The following KIRREL3 variants were observed in gnomAD, a reference collection of about 807,000 sequenced individuals.
KIRREL3 encodes kin of IRRE-like protein 3.
KIRREL3 carries 36 observed loss-of-function variants against 89.7 expected under a neutral mutation model. The ratio of observed to expected loss-of-function variants is 0.40; its 90% CI spans 0.31 to 0.53. KIRREL3 has a LOEUF of 0.53. Ranked by LOEUF, KIRREL3 falls within the 20% of genes least tolerant of loss-of-function variation. The pLI, the probability that KIRREL3 is intolerant of heterozygous loss-of-function variation, is 0.49. For synonymous variants in KIRREL3, 445 were observed against 441.4 expected (o/e 1.01, Z -0.10); for missense variants, 864 against 1,056.6 (o/e 0.82, Z 2.53).
chr11:126,966,844 C>A (rs996024828), intron 1 of KIRREL3, among the ~76,000 whole-genome samples: 1 of 152,210 alleles, frequency 6.6e-6, no homozygotes, highest in Non-Finnish European at 1.5e-5. Context: ...AAACAATCAG[C>A]ACACTTTCTG....
chr11:126,494,153 G>A (rs1957597502), intron 4 of KIRREL3, among the ~76,000 whole-genome samples: 1 of 152,202 alleles, frequency 6.6e-6, no homozygotes, highest in Non-Finnish European at 1.5e-5. Context: ...TGGTCACTTG[G>A]TCAAGAGAAA....
chr11:126,630,994 G>A (rs995840369), intron 1 of KIRREL3, among the ~76,000 whole-genome samples: 28 of 152,146 alleles, frequency 1.8e-4, no homozygotes, highest in African/African-American at 6.8e-4. Context: ...TAAAGTGTCA[G>A]CTTCCATCCC....
At chr11:126,866,862 GT>G (rs750537424) in intron 1 of KIRREL3, among the ~76,000 whole-genome samples, 36 of 152,218 alleles carry the variant, frequency 2.4e-4, no homozygotes, top group Non-Finnish European at 4.6e-4. Context: ...CATTCCCCTT[GT>G]GGCCTCCGCA....
rs1286620837 is a variant in KIRREL3, at chr11:126,898,604, CA to C, written c.55+101850del. Among the ~76,000 whole-genome samples, 4 of 152,148 alleles carry C rather than the reference CA, an allele frequency of 2.6e-5. No individual in the cohort carries two copies. The highest frequency in any genetic ancestry group is 1.5e-5 in the Non-Finnish European group (1 of 68,042). On this transcript the variant is annotated intron_variant, in intron 1 of 16. Coordinates refer to ENST00000525144, the MANE Select transcript of KIRREL3 (RefSeq NM_032531.4). This position sits in a 1 kb window ranked among gnomAD's most constrained non-coding sequence, Gnocchi z 4.9. Reference sequence around the variant, plus strand: ...CAGAAACAGAATTATATCTGTAGCACAATGTCCTTTAGGTAAATTAAAATCA... The same window carrying C: ...CAGAAACAGAATTATATCTGTAGCACATGTCCTTTAGGTAAATTAAAATCA...
At position 126,943,891 on chromosome 11, in the gene KIRREL3, T is replaced by G. The variant is rs1355896735; in HGVS notation, c.55+56564A>C. 1.3e-5 allele frequency among the ~76,000 whole-genome samples: 2 copies of G among 152,206 alleles called. No homozygotes were observed. The highest frequency in any genetic ancestry group is 4.8e-5 in the African/African-American group (2 of 41,464). ...CATTCGGTTTGGTCTAGGTGGAGAC[T>G]TCTTAATTTAGATATTGATGCAGTT... On this transcript the variant is annotated intron_variant, in intron 1 of 16. Transcript: ENST00000525144. This position sits in a 1 kb window ranked among gnomAD's most constrained non-coding sequence, Gnocchi z 4.2.
At chr11:126,799,757 A>G (rs949243767) in intron 1 of KIRREL3, among the ~76,000 whole-genome samples, 2 of 152,076 alleles carry the variant, frequency 1.3e-5, no homozygotes, top group African/African-American at 4.8e-5. Context: ...CCCAGTTTTT[A>G]TTAACTTCCA....
In KIRREL3 at chr11:126,611,579, G is replaced by C. The variant is rs569316617; in HGVS notation, c.56-48667C>G. ...ACTCTTCCCTTTATCCTGAGGTGTC[G>C]TGAGGGCAATGGCCTGCAGAGTCCA... On this transcript the variant is annotated intron_variant, in intron 1 of 16. Transcript: ENST00000525144. This position sits in a 1 kb window ranked among gnomAD's most constrained non-coding sequence, Gnocchi z 4.7. 1.3e-5 allele frequency among the ~76,000 whole-genome samples: 2 copies of C among 151,906 alleles called. No homozygotes were observed. Among genetic ancestry groups the C allele is most frequent in the African/African-American group, 4.8e-5 (2 of 41,338 alleles).
chr11:126,922,823 T>C (rs1475313931), intron 1 of KIRREL3, among the ~76,000 whole-genome samples: 2 of 152,206 alleles, frequency 1.3e-5, no homozygotes, highest in African/African-American at 2.4e-5. Flanking sequence ...AAAGAGTTCC[T>C]TGCATTTCCC....
rs1024140142 is a variant in KIRREL3, at chr11:126,772,318, A to G, written c.56-209406T>C. Among the ~76,000 whole-genome samples the G allele has an allele frequency of 6.6e-6, 1 of 152,218 alleles. No individual in the cohort carries two copies. The highest frequency in any genetic ancestry group is 1.5e-5 in the Non-Finnish European group (1 of 68,036). ...TTTGTAAGACCAGACTCTTAAATTC[A>G]AGGCAGCTAAGACCGGTTCAGGGAC... On this transcript the variant is annotated intron_variant, in intron 1 of 16. Transcript: ENST00000525144. This position sits in a 1 kb window ranked among gnomAD's most constrained non-coding sequence, Gnocchi z 4.6.
rs515275 is a variant in KIRREL3, at chr11:126,643,738, T to C, written c.56-80826A>G. ...AGTTTGGAGGCAGCAGTAATCTCAG[T>C]GAGATTACGTGAGGATTTTAACAAA... is the stretch of plus-strand genomic sequence containing the variant. On this transcript the variant is annotated intron_variant, in intron 1 of 16. Coordinates refer to ENST00000525144, the MANE Select transcript of KIRREL3 (RefSeq NM_032531.4). The surrounding 1 kb of genome is among the most constrained non-coding windows in gnomAD (Gnocchi z 4.5). Among the ~76,000 whole-genome samples, 25 of 151,978 alleles carry C rather than the reference T, an allele frequency of 1.6e-4. No homozygotes were observed. The highest frequency in any genetic ancestry group is 5.9e-5 in the Non-Finnish European group (4 of 68,004).
At chr11:126,617,673 T>C (rs1565596005) in intron 1 of KIRREL3, among the ~76,000 whole-genome samples, 1 of 152,184 alleles carries the variant, frequency 6.6e-6, no homozygotes, top group Non-Finnish European at 1.5e-5. Context: ...TTTAGGTACA[T>C]TGCACATATT....
At chr11:126,964,194 T>C (rs898733788) in intron 1 of KIRREL3, among the ~76,000 whole-genome samples, 2 of 152,154 alleles carry the variant, frequency 1.3e-5, no homozygotes, top group Admixed American at 6.5e-5. Flanking sequence ...AATCTGTACA[T>C]ACAAAGCAGA....
At chr11:126,925,109 G>GT in intron 1 of KIRREL3, among the ~76,000 whole-genome samples, 1 of 143,870 alleles carries the variant, frequency 7.0e-6, no homozygotes, top group Admixed American at 6.9e-5. Context: ...GGGGGGGGGG[G>GT]GGGCTGTTGG....
chr11:126,593,667 C>T (rs115136670), intron 1 of KIRREL3, among the ~76,000 whole-genome samples: 4 of 152,304 alleles, frequency 2.6e-5, no homozygotes, highest in Admixed American at 6.5e-5. Context: ...TGGGCCTGCA[C>T]GGAGTGGAGT....
chr11:126,747,279 C>A lies in KIRREL3; in HGVS notation c.56-184367G>T, dbSNP rs1438023123. Among the ~76,000 whole-genome samples, 1 of 152,240 alleles carries A rather than the reference C, an allele frequency of 6.6e-6. No homozygotes were observed. Among genetic ancestry groups the A allele is most frequent in the East Asian group, 1.9e-4 (1 of 5,206 alleles). On this transcript the variant is annotated intron_variant, in intron 1 of 16. Transcript: ENST00000525144. This position sits in a 1 kb window ranked among gnomAD's most constrained non-coding sequence, Gnocchi z 4.7. ...AAATAACACAATCAGTGTATACTTA[C>A]AAAGGCTGTTGTATGAGGATTAAAT...
intron 1 of KIRREL3, among the ~76,000 whole-genome samples, chr11:126,972,557 A>G (rs1216964499): frequency 6.6e-6 from 1 of 152,148 alleles, no homozygotes; most frequent in East Asian, 1.9e-4. Context: ...AAAGATCAAC[A>G]CAGTCACGTT....
rs975140902 is a variant in KIRREL3 at position 126,685,783 on chromosome 11, C to T, written c.56-122871G>A. The stretch of plus-strand genomic sequence containing the variant: ...GCATCTTGGCCATTCAGAGCTGTTG[C>T]CCTCACAGCATTCAGTGATGTTTGC... On this transcript the variant is annotated intron_variant, in intron 1 of 16. Coordinates refer to ENST00000525144, the MANE Select transcript of KIRREL3 (RefSeq NM_032531.4). The surrounding 1 kb of genome is among the most constrained non-coding windows in gnomAD (Gnocchi z 5.5). 1.3e-5 allele frequency among the ~76,000 whole-genome samples: 2 copies of T among 152,248 alleles called. No individual in the cohort carries two copies. The highest frequency in any genetic ancestry group is 2.9e-5 in the Non-Finnish European group (2 of 68,036).
At chr11:126,922,978 G>A (rs1046327530) in intron 1 of KIRREL3, among the ~76,000 whole-genome samples, 3 of 152,182 alleles carry the variant, frequency 2.0e-5, no homozygotes, top group African/African-American at 7.2e-5. Context: ...TGCATCCCTC[G>A]AGTCGGTGCC....
intron 1 of KIRREL3, among the ~76,000 whole-genome samples, chr11:126,875,538 A>T (rs1945253292): frequency 6.6e-6 from 1 of 152,232 alleles, no homozygotes; most frequent in African/African-American, 2.4e-5. Flanking sequence ...AGCAGAAGGC[A>T]TTAGACATTA....
Sources: gnomAD v4.1 joint callset for allele counts (sites outside exome capture counted in the v4.1 genomes callset) on GRCh38, gnomAD v4.1.1 for gene constraint, Gnocchi (gnomAD v3.1) non-coding constraint, MANE v1.5 for transcripts, NCBI Gene and HGNC (gene_info 2026-07-23, HGNC 2026-07-21) for gene names.